The following CAMK4 variants were observed in gnomAD, a reference collection of about 807,000 sequenced individuals.
The protein encoded by CAMK4 is calcium/calmodulin dependent protein kinase IV.
Under a neutral mutation model 44.9 loss-of-function variants are expected in CAMK4, and 22 were observed. That is an observed-to-expected ratio of 0.49 (90% CI 0.35 to 0.70). The LOEUF is 0.70. Ranked by LOEUF, CAMK4 falls within the 30% of genes least tolerant of loss-of-function variation. CAMK4 has a pLI of 0.01. For missense variants in CAMK4, 498 were observed against 586.8 expected (o/e 0.85, Z 1.56); for synonymous variants, 218 against 215.4 (o/e 1.01, Z -0.11).
At chr5:111,310,051 A>G (rs186920662) in intron 1 of CAMK4, among the ~76,000 whole-genome samples, 1 of 152,202 alleles carries the variant, frequency 6.6e-6, no homozygotes, top group Admixed American at 6.5e-5. Flanking sequence ...GTTTACTGAC[A>G]CCGTTTCATG....
At chr5:111,372,396 C>G (rs963950207) in intron 2 of CAMK4, among the ~76,000 whole-genome samples, 1 of 152,078 alleles carries the variant, frequency 6.6e-6, no homozygotes, top group East Asian at 1.9e-4. Flanking sequence ...ATAAATCAAG[C>G]AAGGCTAATG....
chr5:111,369,654 G>A (rs1414839944), intron 2 of CAMK4, among the ~76,000 whole-genome samples: 2 of 152,012 alleles, frequency 1.3e-5, no homozygotes, highest in East Asian at 1.9e-4. Flanking sequence ...TTTGAAGTAC[G>A]GTCATTCCTC....
chr5:111,347,029 A>G (rs1195736906), intron 2 of CAMK4, among the ~76,000 whole-genome samples: 2 of 151,966 alleles, frequency 1.3e-5, no homozygotes, highest in East Asian at 1.9e-4. Context: ...TCATAAATCA[A>G]TATATGGAGG....
intron 1 of CAMK4, among the ~76,000 whole-genome samples, chr5:111,343,481 T>C (rs991785954): frequency 6.6e-6 from 1 of 151,798 alleles, no homozygotes; most frequent in Admixed American, 6.6e-5. Flanking sequence ...CCTGTACATA[T>C]GTGAAAATAG....
At chr5:111,365,274 A>T (rs1004874147) in intron 2 of CAMK4, 3 of 152,174 alleles carry the variant, frequency 2.0e-5, no homozygotes, top group African/African-American at 7.2e-5. Context: ...GATAGGTAGT[A>T]GAAATCAGAG....
At chr5:111,352,667 G>A (rs1750163527) in intron 2 of CAMK4, among the ~76,000 whole-genome samples, 1 of 149,710 alleles carries the variant, frequency 6.7e-6, no homozygotes, top group African/African-American at 2.5e-5. Context: ...GAGAGAGGGA[G>A]AGGGAGGGAG....
chr5:111,477,412 G>A (rs948841636), intron 8 of CAMK4, among the ~76,000 whole-genome samples: 13 of 152,122 alleles, frequency 8.5e-5, no homozygotes, highest in South Asian at 2.1e-4. Context: ...AAGCCTTTGG[G>A]AAAATGTCTT....
chr5:111,245,147 T>C (rs919300381), intron 1 of CAMK4, among the ~76,000 whole-genome samples: 2 of 152,158 alleles, frequency 1.3e-5, no homozygotes, highest in East Asian at 3.9e-4. Context: ...TTTTTTACAG[T>C]TGGGGACATA....
chr5:111,464,862 A>G (rs1754767311), intron 7 of CAMK4, among the ~76,000 whole-genome samples: 1 of 152,248 alleles, frequency 6.6e-6, no homozygotes, highest in Non-Finnish European at 1.5e-5. Flanking sequence ...AATACCACAC[A>G]CTATGTATCT....
chr5:111,402,939 C>T (rs1340947817), intron 5 of CAMK4, among the ~76,000 whole-genome samples: 1 of 152,164 alleles, frequency 6.6e-6, no homozygotes, highest in Non-Finnish European at 1.5e-5. Context: ...TACAGTTTCT[C>T]AATGTTTCGG....
At chr5:111,261,326 A>G (rs1248732301) in intron 1 of CAMK4, among the ~76,000 whole-genome samples, 1 of 152,228 alleles carries the variant, frequency 6.6e-6, no homozygotes, top group Non-Finnish European at 1.5e-5. Context: ...TGTCTGGTGC[A>G]TAATATGCAC....
chr5:111,255,164 C>G (rs914471867), intron 1 of CAMK4, among the ~76,000 whole-genome samples: 13 of 152,018 alleles, frequency 8.6e-5, no homozygotes, highest in African/African-American at 3.1e-4. Flanking sequence ...GTTTGAAGGT[C>G]TAATTTTGTA....
intron 1 of CAMK4, among the ~76,000 whole-genome samples, chr5:111,300,614 A>C (rs1747680657): frequency 6.6e-6 from 1 of 152,226 alleles, no homozygotes; most frequent in African/African-American, 2.4e-5. Flanking sequence ...AAAATAATAT[A>C]ATTGACTTTT....
intron 2 of CAMK4, among the ~76,000 whole-genome samples, chr5:111,358,626 C>G (rs1365396218): frequency 2.0e-5 from 3 of 150,788 alleles, no homozygotes; most frequent in Non-Finnish European, 1.5e-5. Flanking sequence ...TGTAGGTAAA[C>G]TCGTGTCATG....
intron 9 of CAMK4, chr5:111,481,962 A>G (rs1489141447): frequency 6.6e-6 from 1 of 152,192 alleles, no homozygotes; most frequent in African/African-American, 2.4e-5. Flanking sequence ...GGCAATTTAT[A>G]TATTTGTCTA....
chr5:111,479,766 G>A (rs754568137), intron 9 of CAMK4, among the ~76,000 whole-genome samples: 2 of 152,062 alleles, frequency 1.3e-5, no homozygotes, highest in Non-Finnish European at 2.9e-5. Flanking sequence ...GCATGAGTGG[G>A]AAGAGAAAGT....
At chr5:111,345,183 A>T (rs1328982385) in intron 2 of CAMK4, among the ~76,000 whole-genome samples, 1 of 151,960 alleles carries the variant, frequency 6.6e-6, no homozygotes, top group Non-Finnish European at 1.5e-5. Context: ...GCTAAATAGA[A>T]ATAGAATGAT....
chr5:111,253,879 C>T (rs930420246), intron 1 of CAMK4, among the ~76,000 whole-genome samples: 1 of 152,082 alleles, frequency 6.6e-6, no homozygotes, highest in Non-Finnish European at 1.5e-5. Flanking sequence ...TACATAATGA[C>T]AAGTCAACTC....
At chr5:111,345,136 C>A (rs529376091) in intron 2 of CAMK4, among the ~76,000 whole-genome samples, 70 of 151,858 alleles carry the variant, frequency 4.6e-4, no homozygotes, top group Non-Finnish European at 9.6e-4. Flanking sequence ...ATTTTAGAAT[C>A]TCATATAATG....
Sources: allele counts gnomAD v4.1 joint callset (sites outside exome capture counted in the v4.1 genomes callset), GRCh38; gene constraint gnomAD v4.1.1; transcripts MANE v1.5; gene names NCBI Gene and HGNC (gene_info 2026-07-23, HGNC 2026-07-21).